Variants in CADPS2 observed in about 807,000 individuals in gnomAD.
CADPS2 encodes calcium-dependent secretion activator 2.
A neutral mutation model predicts 172.5 loss-of-function variants in CADPS2; 93 were observed. The ratio of observed to expected loss-of-function variants is 0.54; its 90% CI spans 0.46 to 0.64. CADPS2 has a LOEUF of 0.64. Ranked by LOEUF, CADPS2 falls within the 30% of genes least tolerant of loss-of-function variation. The pLI, the probability that CADPS2 is intolerant of heterozygous loss-of-function variation, is 0.00. For synonymous variants in CADPS2, 546 were observed against 555.2 expected (o/e 0.98, Z 0.23); for missense variants, 1,420 against 1,565.9 (o/e 0.91, Z 1.57).
chr7:122,499,005 G>T (rs956236445), intron 9 of CADPS2, among the ~76,000 whole-genome samples: 2 of 152,146 alleles, frequency 1.3e-5, no homozygotes, highest in Non-Finnish European at 1.5e-5. Context: ...CTGCTCCATG[G>T]TCATCACCAA....
intron 6 of CADPS2, among the ~76,000 whole-genome samples, chr7:122,606,410 T>C (rs1488777813): frequency 2.6e-5 from 4 of 152,178 alleles, no homozygotes; most frequent in Non-Finnish European, 4.4e-5. Flanking sequence ...TTGTCTTGCT[T>C]ATCCAGGTAG....
chr7:122,817,618 T>A (rs1416607150), intron 1 of CADPS2, among the ~76,000 whole-genome samples: 2 of 152,032 alleles, frequency 1.3e-5, no homozygotes, highest in Non-Finnish European at 2.9e-5. Context: ...CCTTCACCCT[T>A]AGTGGCAAGT....
chr7:122,666,434 C>T (rs531077097), intron 2 of CADPS2, among the ~76,000 whole-genome samples: 2 of 151,940 alleles, frequency 1.3e-5, no homozygotes, highest in Admixed American at 6.6e-5. Flanking sequence ...AACTCCACTT[C>T]CCAGGTTCAG....
chr7:122,700,776 G>GA (rs2085924077), intron 2 of CADPS2, among the ~76,000 whole-genome samples: 1 of 152,116 alleles, frequency 6.6e-6, no homozygotes, highest in Non-Finnish European at 1.5e-5. Context: ...GACACTTCTA[G>GA]AAAAGAAATC....
intron 1 of CADPS2, among the ~76,000 whole-genome samples, chr7:122,782,245 A>G (rs987227): frequency 0.038 from 5,722 of 152,274 alleles, 208 homozygotes; most frequent in Admixed American, 0.11. Flanking sequence ...AAAATAACAC[A>G]TTAGTAAGAG....
chr7:122,786,100 T>G lies in CADPS2; in HGVS notation c.340-49032A>C, dbSNP rs150255604. Among the ~76,000 whole-genome samples, 135 of 146,470 alleles carry G rather than the reference T, an allele frequency of 9.2e-4. 1 individual carries two copies. The highest frequency in any genetic ancestry group is 3.4e-3 in the African/African-American group (134 of 39,822). ...CACATTCAGATCTTCTAACTATAAC[T>G]TCTAGTAGTCTCGTCTATTTCATAT... is the stretch of plus-strand genomic sequence containing the variant. On this transcript the variant is annotated intron_variant, in intron 1 of 29. Coordinates refer to ENST00000449022, the MANE Select transcript of CADPS2 (RefSeq NM_017954.11).
intron 1 of CADPS2, among the ~76,000 whole-genome samples, chr7:122,876,737 T>C (rs1821316279): frequency 1.3e-5 from 2 of 152,124 alleles, no homozygotes; most frequent in Non-Finnish European, 1.5e-5. Context: ...ATAAAGGATA[T>C]TGGAAAAATA....
intron 2 of CADPS2, among the ~76,000 whole-genome samples, chr7:122,707,285 C>A (rs1006402673): frequency 1.3e-5 from 2 of 151,914 alleles, no homozygotes; most frequent in Admixed American, 6.6e-5. Flanking sequence ...GAGTTACATG[C>A]AAGTTGGATG....
chr7:122,576,757 G>A (rs1413117583), intron 7 of CADPS2, among the ~76,000 whole-genome samples: 1 of 151,138 alleles, frequency 6.6e-6, no homozygotes, highest in Admixed American at 6.7e-5. Context: ...ATAGTCAGTG[G>A]GTCTCAGGAG....
At chr7:122,700,267 G>A (rs925983998) in intron 2 of CADPS2, among the ~76,000 whole-genome samples, 1 of 152,110 alleles carries the variant, frequency 6.6e-6, no homozygotes, top group Non-Finnish European at 1.5e-5. Flanking sequence ...AACTCACCAG[G>A]ACTAAAGGAG....
At chr7:122,321,307 C>T (rs1180373622) in intron 29 of CADPS2, among the ~76,000 whole-genome samples, 1 of 152,078 alleles carries the variant, frequency 6.6e-6, no homozygotes, top group Non-Finnish European at 1.5e-5. Context: ...GCTGGGACCA[C>T]AGGTGTGTGC....
chr7:122,843,394 C>T (rs549263003), intron 1 of CADPS2, among the ~76,000 whole-genome samples: 16 of 152,112 alleles, frequency 1.1e-4, no homozygotes, highest in South Asian at 6.2e-4. Context: ...AAGTTTAGGA[C>T]GACTGACTGA....
At chr7:122,773,140 T>C (rs2093755748) in intron 1 of CADPS2, among the ~76,000 whole-genome samples, 5 of 152,022 alleles carry the variant, frequency 3.3e-5, no homozygotes. Flanking sequence ...AGAAAGCATA[T>C]TAAAGTAAGT....
chr7:122,581,645 T>C (rs960685155), intron 6 of CADPS2, among the ~76,000 whole-genome samples: 7 of 152,132 alleles, frequency 4.6e-5, no homozygotes, highest in African/African-American at 1.7e-4. Context: ...GGAAAATTGC[T>C]CAGGGTTTGT....
chr7:122,800,964 C>G (rs545753900), intron 1 of CADPS2, among the ~76,000 whole-genome samples: 4 of 148,192 alleles, frequency 2.7e-5, no homozygotes, highest in African/African-American at 1.0e-4. Flanking sequence ...TGTACTCCAG[C>G]CTGTGCGACA....
chr7:122,366,668 C>CGT, intron 25 of CADPS2: 1 of 128,224 alleles, frequency 7.8e-6, no homozygotes, highest in East Asian at 2.1e-4. Context: ...TACACACATA[C>CGT]ATATATATAT....
chr7:122,790,336 C>T (rs1290348360), intron 1 of CADPS2, among the ~76,000 whole-genome samples: 1 of 149,296 alleles, frequency 6.7e-6, no homozygotes, highest in South Asian at 2.1e-4. Context: ...ACATTCACAG[C>T]TGCAGTGAGG....
chr7:122,826,330 A>G (rs1346909157), intron 1 of CADPS2, among the ~76,000 whole-genome samples: 1 of 152,246 alleles, frequency 6.6e-6, no homozygotes, highest in Non-Finnish European at 1.5e-5. Flanking sequence ...AGCAGTATCC[A>G]AAACTACCAG....
intron 4 of CADPS2, 27 bp from the exon 5 acceptor site, chr7:122,621,744 T>A: frequency 7.9e-7 from 1 of 1,272,462 alleles, no homozygotes; most frequent in Non-Finnish European, 1.1e-6. Context: ...AAAATAATAG[T>A]GTTACATAAG....
Sources: allele counts gnomAD v4.1 joint callset (sites outside exome capture counted in the v4.1 genomes callset), GRCh38; gene constraint gnomAD v4.1.1; transcripts MANE v1.5; gene names NCBI Gene and HGNC (gene_info 2026-07-23, HGNC 2026-07-21).